Variants in DNAH14 observed in about 807,000 individuals in gnomAD.
The protein encoded by DNAH14 is dynein axonemal heavy chain 14.
Under a neutral mutation model 520.9 loss-of-function variants are expected in DNAH14, and 478 were observed. The observed-to-expected ratio is 0.92, with a 90% confidence interval of 0.85 to 0.99. The LOEUF (loss-of-function observed/expected upper bound fraction) is 0.99. DNAH14 is among the 50% of genes least tolerant of loss of function. The pLI is 0.00. For missense variants in DNAH14, 4,831 were observed against 5,234.5 expected, an observed-to-expected ratio of 0.92 and a Z score of 2.38; for synonymous variants, 1,581 against 1,757.2, an observed-to-expected ratio of 0.90 and a Z score of 2.51.
At chr1:225,207,473 TA>T (rs991794708) in intron 41 of DNAH14, among the ~76,000 whole-genome samples, 4 of 152,136 alleles carry the variant, frequency 2.6e-5, no homozygotes, top group Non-Finnish European at 5.9e-5. Flanking sequence ...GGGTCTCTAT[TA>T]AAGAAGAATG....
chr1:225,124,557 A>G (rs746960671), intron 27 of DNAH14, among the ~76,000 whole-genome samples: 1 of 152,192 alleles, frequency 6.6e-6, no homozygotes, highest in Admixed American at 6.6e-5. Flanking sequence ...CTTCCATTCA[A>G]GTTTTTTCAT....
chr1:225,002,794 A>G lies in DNAH14; in HGVS notation c.842A>G (p.Tyr281Cys), dbSNP rs201201605. The change falls in exon 9 of 86, where the codon TAC becomes TGC. Residue 281 changes from tyrosine (Y) to cysteine (C), a missense_variant. Physicochemically the swap from Tyr to Cys is radical, Grantham distance 194. Coordinates refer to ENST00000682510, the MANE Select transcript of DNAH14 (RefSeq NM_001367479.1). The stretch of plus-strand genomic sequence containing the variant: ...TTTTTAACTTTCAGGTCATTTTTGT[A>G]CCACCATCTTTTTTTGGCTGATGAC... ...IKTEKSRSFL[Y>C]HHLFLADDLF... 36 of 1,548,548 alleles carry G rather than the reference A, an allele frequency of 2.3e-5. No individual in the cohort carries two copies. Among genetic ancestry groups the G allele is most frequent in the Non-Finnish European group, 3.1e-5 (36 of 1,145,586 alleles).
intron 11 of DNAH14, among the ~76,000 whole-genome samples, chr1:225,034,710 C>T (rs1486165498): frequency 6.6e-6 from 1 of 151,986 alleles, no homozygotes; most frequent in Non-Finnish European, 1.5e-5. Context: ...AGGTCCTGAG[C>T]TTTTTTCTTG....
chr1:225,165,548 G>GTTT (rs548760377), intron 35 of DNAH14, among the ~76,000 whole-genome samples: 1 of 141,656 alleles, frequency 7.1e-6, no homozygotes, highest in East Asian at 2.1e-4. Context: ...TATAGATTTT[G>GTTT]TTTTTTTTTT....
At chr1:225,325,112 T>C (rs1249207229) in intron 64 of DNAH14, among the ~76,000 whole-genome samples, 3 of 151,990 alleles carry the variant, frequency 2.0e-5, no homozygotes, top group Admixed American at 6.6e-5. Context: ...GGAAGATCTT[T>C]ACAACTTCAG....
rs1193620343 is a variant in DNAH14 at position 225,399,093 on chromosome 1, T to A, written c.13678T>A (p.Ser4560Thr). The A allele has an allele frequency of 1.9e-6, 3 of 1,551,664 alleles. No homozygotes were observed. Among genetic ancestry groups the A allele is most frequent in the Non-Finnish European group, 2.6e-6 (3 of 1,147,032 alleles). The change falls in exon 86 of 86, where the codon TCA (serine) becomes ACA (threonine). Residue 4560 changes from serine (S) to threonine (T), a missense_variant. By Grantham distance (58) the Ser-to-Thr change is moderately conservative. Coordinates refer to ENST00000682510, the MANE Select transcript of DNAH14 (RefSeq NM_001367479.1). ...ACCAAATGCTTCCAACCAGACAGAT[T>A]CAGAACTCTATGCTTTTGAATGCCC... ...KTPNASNQTD[S>T]ELYAFECPVY...
At chr1:225,031,903 T>C (rs2066558115) in intron 11 of DNAH14, among the ~76,000 whole-genome samples, 1 of 152,058 alleles carries the variant, frequency 6.6e-6, no homozygotes, top group Non-Finnish European at 1.5e-5. Flanking sequence ...ATTTTCCTTC[T>C]TCCTGAAAAA....
At chr1:225,398,064 A>AT in intron 84 of DNAH14, 1 of 152,064 alleles carries the variant, frequency 6.6e-6, no homozygotes, top group East Asian at 1.9e-4. Flanking sequence ...AAAAAAAAAA[A>AT]AAAAACCCCT....
chr1:225,304,769 T>G (rs915371889), intron 57 of DNAH14, 139 bp from the exon 58 acceptor site: 4 of 798,756 alleles, frequency 5.0e-6, no homozygotes, highest in Non-Finnish European at 5.7e-6. Context: ...TTCTTTGTCC[T>G]GCTCATCCGG....
At chr1:225,311,512 G>T (rs2094364831) in intron 60 of DNAH14, among the ~76,000 whole-genome samples, 1 of 152,158 alleles carries the variant, frequency 6.6e-6, no homozygotes, top group Admixed American at 6.5e-5. Context: ...TTTTAGTCAT[G>T]AAGTCTTTGC....
intron 36 of DNAH14, among the ~76,000 whole-genome samples, chr1:225,184,883 T>TA (rs2084495211): frequency 6.6e-6 from 1 of 152,148 alleles, no homozygotes; most frequent in Admixed American, 6.5e-5. Flanking sequence ...ACACCACTCT[T>TA]ATGCATTATA....
chr1:225,211,697 G>A (rs964563854), intron 41 of DNAH14, among the ~76,000 whole-genome samples: 2 of 151,984 alleles, frequency 1.3e-5, no homozygotes, highest in East Asian at 1.9e-4. Context: ...ATAATTGTCA[G>A]ATTCACCAAG....
In DNAH14 at chr1:225,346,297, G is replaced by T. The variant is rs1272501912; in HGVS notation, c.11014G>T (p.Glu3672Ter). ...EVHEFISISK[E>*]PNLENEKNLL... is the part of the protein sequence containing the mutation. ...TCATGAGTTTATAAGTATTTCAAAAGAACCCAACCTGGAAAATGAGAAAAA... is the reference window on the plus strand; with the variant it reads ...TCATGAGTTTATAAGTATTTCAAAATAACCCAACCTGGAAAATGAGAAAAA... Residue 3672 changes from glutamate to a stop codon, truncating the protein, a stop_gained, in exon 70 of 86, where the codon GAA (glutamate) becomes TAA (stop). Transcript: ENST00000682510. LOFTEE classifies it high-confidence loss of function. The T allele has an allele frequency of 1.3e-6, 2 of 1,545,442 alleles. No homozygotes were observed. Among genetic ancestry groups the T allele is most frequent in the South Asian group, 2.4e-5 (2 of 82,976 alleles).
chr1:225,265,381 C>G lies in DNAH14; in HGVS notation c.7410+12C>G. ...CAAAAAACAACCGGGTAAAACACCTCTCATACCTGTTCAATAATCTGCTTA... is the reference window on the plus strand; with the variant it reads ...CAAAAAACAACCGGGTAAAACACCTGTCATACCTGTTCAATAATCTGCTTA... On this transcript the variant is annotated intron_variant, in intron 48 of 85. Transcript: ENST00000682510. The G allele has an allele frequency of 3.3e-6, 5 of 1,517,554 alleles. No homozygotes were observed. The highest frequency in any genetic ancestry group is 1.7e-4 in the Middle Eastern group (1 of 5,850). 94.0% of individuals were successfully genotyped at this position (1,517,554 alleles called of 1,614,324 possible).
intron 43 of DNAH14, among the ~76,000 whole-genome samples, chr1:225,245,946 A>G (rs1248085619): frequency 6.6e-6 from 1 of 151,876 alleles, no homozygotes; most frequent in Non-Finnish European, 1.5e-5. Context: ...ACAAAGCTAG[A>G]GGCATCACAC....
rs577686610 is a variant in DNAH14, at chr1:225,383,207, A to G, written c.13077+1628A>G. On this transcript the variant is annotated intron_variant, in intron 81 of 85. Transcript: ENST00000682510. ...TGTATGGCATATGAGTTATATCTCA[A>G]TGAAGTTATTTTTAAAACCTAGGTA... 6.6e-5 allele frequency among the ~76,000 whole-genome samples: 10 copies of G among 152,378 alleles called. No homozygotes were observed. The East Asian group carries it at 1.2e-3, about 18-fold the overall frequency.
chr1:225,127,165 T>G (rs1158947889), intron 27 of DNAH14, among the ~76,000 whole-genome samples: 1 of 152,264 alleles, frequency 6.6e-6, no homozygotes, highest in African/African-American at 2.4e-5. Context: ...AGTGTGGTGC[T>G]GAGAAGAATG....
At chr1:225,098,678 C>G (rs1268553653) in intron 22 of DNAH14, among the ~76,000 whole-genome samples, 1 of 152,060 alleles carries the variant, frequency 6.6e-6, no homozygotes, top group Non-Finnish European at 1.5e-5. Context: ...GGTAGTTATT[C>G]TGAAAGTTCT....
chr1:224,958,192 T>C (rs1228433775), intron 3 of DNAH14, among the ~76,000 whole-genome samples: 1 of 152,004 alleles, frequency 6.6e-6, no homozygotes, highest in African/African-American at 2.4e-5. Context: ...GGAGAGAGAC[T>C]GAAAGGTAAA....
Sources: gnomAD v4.1 joint callset for allele counts (sites outside exome capture counted in the v4.1 genomes callset) on GRCh38, gnomAD v4.1.1 for gene constraint, MANE v1.5 for transcripts, NCBI Gene and HGNC (gene_info 2026-07-23, HGNC 2026-07-21) for gene names.